Variants in STK11IP observed in about 807,000 individuals in gnomAD.
STK11IP encodes the protein serine/threonine-protein kinase 11-interacting protein.
A neutral mutation model predicts 131.7 loss-of-function variants in STK11IP; 103 were observed. That is an observed-to-expected ratio of 0.78 (90% CI 0.67 to 0.92). The LOEUF (loss-of-function observed/expected upper bound fraction) is 0.92. Among genes scored for constraint, STK11IP ranks in the 40% least tolerant of loss-of-function variants. The pLI, the probability that STK11IP is intolerant of heterozygous loss-of-function variation, is 0.00. For synonymous variants in STK11IP, 557 were observed against 575.6 expected, an observed-to-expected ratio of 0.97 and a Z score of 0.46; for missense variants, 1,315 against 1,385.7, an observed-to-expected ratio of 0.95 and a Z score of 0.81.
At chr2:219,602,387 A>G (rs1698016208) in intron 5 of STK11IP, 81 bp from the exon 6 acceptor site, 2 of 1,052,458 alleles carry the variant, frequency 1.9e-6, no homozygotes, top group East Asian at 2.4e-5. Flanking sequence ...AAAATGAATG[A>G]GTGACTGGGT....
At chr2:219,606,388 C>G (rs777049692) in intron 10 of STK11IP, 88 bp from the exon 11 acceptor site, 1 of 1,550,016 alleles carries the variant, frequency 6.5e-7, no homozygotes, top group Non-Finnish European at 8.8e-7. Context: ...GGCCAAGGAC[C>G]TGGACCCTGC....
Position 219,616,258 on chromosome 2 carries a change from T to C in STK11IP, c.*65T>C. On this transcript the variant is annotated 3_prime_UTR_variant, in exon 25 of 25. Transcript: ENST00000456909. ...GCTGTAGACATTCCCTCTCCTGGTC[T>C]CTGGGTCTGGCTTCCAGGCTCTGGC... The C allele has an allele frequency of 6.5e-7, 1 of 1,537,240 alleles. No homozygotes were observed. Among genetic ancestry groups the C allele is most frequent in the Middle Eastern group, 1.8e-4 (1 of 5,708 alleles).
At chr2:219,598,722 G>A (rs1477709861) in intron 2 of STK11IP, among the ~76,000 whole-genome samples, 1 of 152,218 alleles carries the variant, frequency 6.6e-6, no homozygotes, top group South Asian at 2.1e-4. Context: ...ACAGTTGGGA[G>A]CTATTGTTAT....
intron 5 of STK11IP, among the ~76,000 whole-genome samples, 155 bp from the exon 6 acceptor site, chr2:219,602,313 G>A (rs577663831): frequency 1.4e-4 from 21 of 152,330 alleles, no homozygotes; most frequent in Admixed American, 1.4e-3. Context: ...TGTCCCTACA[G>A]TGAGTTCTTG....
chr2:219,607,017 G>A (rs1574621105), intron 12 of STK11IP, 36 bp from the exon 13 acceptor site: 1 of 1,613,474 alleles, frequency 6.2e-7, no homozygotes, highest in Non-Finnish European at 8.5e-7. Context: ...CTGGAGGCTT[G>A]GCTTTCACAG....
chr2:219,613,037 G>C, intron 19 of STK11IP, 91 bp from the exon 20 acceptor site: 1 of 980,016 alleles, frequency 1.0e-6, no homozygotes, highest in Non-Finnish European at 1.6e-6. Context: ...GGGTCAGGCC[G>C]AGGGTGCTGT....
Position 219,602,071 on chromosome 2 carries a change from C to G in STK11IP, c.426C>G (p.Leu142=), listed in dbSNP as rs756086776. 2.2e-5 allele frequency: 36 copies of G among 1,604,972 alleles called. No individual in the cohort carries two copies. The South Asian group carries it at 3.9e-4, about 17-fold the overall frequency. ...QLETLICSRS[L]QALEELLSAC... is the part of the protein sequence containing the mutation. ...AGACCCTGATTTGCAGCAGGAGCCT[C>G]CAGGCATTAGAGGTAAGGAGAGTGA... Residue 142 remains leucine, a synonymous_variant, in exon 5 of 25, where the codon CTC becomes CTG. Transcript: ENST00000456909.
rs866762396 is a variant in STK11IP at position 219,606,283 on chromosome 2, C to A, written c.938C>A (p.Ala313Asp). 1 of 1,565,608 alleles carries A rather than the reference C, an allele frequency of 6.4e-7. No individual in the cohort carries two copies. The highest frequency in any genetic ancestry group is 8.7e-7 in the Non-Finnish European group (1 of 1,154,732). Residue 313 changes from alanine (A) to aspartate (D), a missense_variant, in exon 10 of 25, where the codon GCT becomes GAT. By Grantham distance (126) the Ala-to-Asp change is moderately radical (BLOSUM62 -2). Transcript: ENST00000456909. Reference sequence around the variant, plus strand: ...TTGTCACCCCGGGCCAGGGATGCTGCTACTGGCGTGAGTGATCGTCCTGTG... The same window carrying A: ...TTGTCACCCCGGGCCAGGGATGCTGATACTGGCGTGAGTGATCGTCCTGTG... Reference protein sequence around the residue: ...QYLSPRARDAATGFLLDGKVL... With the variant: ...QYLSPRARDADTGFLLDGKVL...
Position 219,609,062 on chromosome 2 carries a change from G to A in STK11IP, c.1810-35G>A, listed in dbSNP as rs1229112250. ...CCTCATCCCTCTGATCACCGCCCCT[G>A]CTGTTTTTCACCCGGTCCCCCTCTT... On this transcript the variant is annotated intron_variant, in intron 15 of 24. Transcript: ENST00000456909. 3.4e-6 allele frequency: 5 copies of A among 1,480,116 alleles called. No individual in the cohort carries two copies. The South Asian group carries it at 4.8e-5, about 14-fold the overall frequency. 91.7% of individuals were successfully genotyped at this position (1,480,116 alleles called of 1,614,324 possible). A position where few individuals can be genotyped will look rare whatever the true frequency, so the allele number is the denominator to read the frequency against.
intron 14 of STK11IP, 47 bp downstream of exon 14, chr2:219,608,477 G>T (rs1487565873): frequency 1.3e-6 from 2 of 1,533,892 alleles, no homozygotes; most frequent in Admixed American, 4.0e-5. Flanking sequence ...GGGCCCTTGG[G>T]ATGTTTGTGA....
intron 1 of STK11IP, 21 bp from the exon 2 acceptor site, chr2:219,598,073 G>A (rs1379431942): frequency 1.9e-6 from 3 of 1,575,324 alleles, no homozygotes; most frequent in Admixed American, 1.8e-5. Context: ...AGGCTCTTCC[G>A]CTTCCTCTTT....
rs766187005 is a variant in STK11IP at position 219,597,944 on chromosome 2, T to G, written c.-27+21T>G. On this transcript the variant is annotated intron_variant, in intron 1 of 24. Coordinates refer to ENST00000456909, the MANE Select transcript of STK11IP (RefSeq NM_052902.4). ...GTTCGGTATGTCTGACCAGGACTTA[T>G]GTTCCTCGAAAGGGCGGCCAGGAGG... The G allele has an allele frequency of 5.6e-6, 9 of 1,611,706 alleles. No homozygotes were observed. In the Admixed American group the frequency reaches 1.5e-4, roughly 27 times the overall value.
chr2:219,610,586 T>C (rs1296845894), intron 17 of STK11IP, among the ~76,000 whole-genome samples: 1 of 152,100 alleles, frequency 6.6e-6, no homozygotes, highest in East Asian at 1.9e-4. Context: ...GTATTTTTAG[T>C]AGAGATGGGG....
intron 1 of STK11IP, 26 bp from the exon 2 acceptor site, chr2:219,598,068 C>G: frequency 6.4e-7 from 1 of 1,574,552 alleles, no homozygotes; most frequent in South Asian, 1.2e-5. Flanking sequence ...ACCTGAGGCT[C>G]TTCCGCTTCC....
At chr2:219,611,481 T>G in intron 17 of STK11IP, 123 bp from the exon 18 acceptor site, 1 of 796,514 alleles carries the variant, frequency 1.3e-6, no homozygotes, top group Non-Finnish European at 2.1e-6. Context: ...GCGGTGGTTG[T>G]GTATGAAGCT....
intron 1 of STK11IP, 27 bp from the exon 2 acceptor site, chr2:219,598,067 T>G (rs898663928): frequency 1.6e-5 from 25 of 1,574,096 alleles, no homozygotes; most frequent in Non-Finnish European, 2.1e-5. Flanking sequence ...CACCTGAGGC[T>G]CTTCCGCTTC....
Position 219,602,128 on chromosome 2 carries a change from T to G in STK11IP, c.438+45T>G, listed in dbSNP as rs1046607210. On this transcript the variant is annotated intron_variant, in intron 5 of 24. Transcript: ENST00000456909. ...AGCTCAGACACCTCAACTTGAGAGA[T>G]GTAGAAGACCAAGCTCTGATGTTCT... is the stretch of plus-strand genomic sequence containing the variant. 45 of 1,399,086 alleles carry G rather than the reference T, an allele frequency of 3.2e-5. No homozygotes were observed. In the Middle Eastern group the frequency reaches 5.2e-4, roughly 16 times the overall value. The allele number at this position is 1,399,086 out of a possible 1,614,324, so 86.7% of individuals were successfully genotyped here. A position where few individuals can be genotyped will look rare whatever the true frequency, so the allele number is the denominator to read the frequency against.
Position 219,615,200 on chromosome 2 carries a change from TG to T in STK11IP, c.2978del (p.Gly993AlafsTer27). ...PAEPSPPAAS[G>X]EASEKVPPSG... ...CAGAGCCCTCTCCTCCAGCAGCATC[TG>T]GCGAAGCCTCTGAGAAGGTGCCTCC... On this transcript the variant is annotated frameshift_variant, in exon 24 of 25. Coordinates refer to ENST00000456909, the MANE Select transcript of STK11IP (RefSeq NM_052902.4). LOFTEE classifies it high-confidence loss of function. The T allele has an allele frequency of 6.3e-7, 1 of 1,596,532 alleles. No homozygotes were observed. Among genetic ancestry groups the T allele is most frequent in the Non-Finnish European group, 8.5e-7 (1 of 1,174,800 alleles).
intron 23 of STK11IP, 24 bp downstream of exon 23, chr2:219,614,570 C>T (rs1698513474): frequency 1.9e-6 from 3 of 1,612,608 alleles, no homozygotes; most frequent in East Asian, 2.2e-5. Flanking sequence ...GCAGCTGATG[C>T]TTCCCTGGTC....
Sources: gnomAD v4.1 joint callset for allele counts (sites outside exome capture counted in the v4.1 genomes callset) on GRCh38, gnomAD v4.1.1 for gene constraint, MANE v1.5 for transcripts, NCBI Gene and HGNC (gene_info 2026-07-23, HGNC 2026-07-21) for gene names.